SCFD2: variants seen among roughly 807,000 people sequenced by gnomAD.
SCFD2 encodes sec1 family domain containing 2.
Under a neutral mutation model 58.9 loss-of-function variants are expected in SCFD2, and 54 were observed. That is an observed-to-expected ratio of 0.92 (90% CI 0.74 to 1.15). SCFD2 has a LOEUF of 1.15. SCFD2 is among the 50% of genes most tolerant of loss of function. The probability of loss-of-function intolerance (pLI) is 0.00; values close to 1 mark genes in which losing one functional copy is unlikely to be tolerated. For synonymous variants in SCFD2, 321 were observed against 335.9 expected, an observed-to-expected ratio of 0.96 and a Z score of 0.49; for missense variants, 805 against 836.6, an observed-to-expected ratio of 0.96 and a Z score of 0.47.
chr4:53,055,483 C>T (rs772714512), intron 5 of SCFD2, among the ~76,000 whole-genome samples: 1 of 152,000 alleles, frequency 6.6e-6, no homozygotes, highest in Non-Finnish European at 1.5e-5. Flanking sequence ...TGGAAAGTTG[C>T]CTAAAAACAG....
At chr4:52,995,796 C>T (rs577462746) in intron 5 of SCFD2, among the ~76,000 whole-genome samples, 314 of 152,292 alleles carry the variant, frequency 2.1e-3, no homozygotes, top group Non-Finnish European at 3.4e-3. Flanking sequence ...AGTGGGTCAT[C>T]GTGGTATTCC....
At chr4:52,912,187 A>G (rs576711496) in intron 6 of SCFD2, among the ~76,000 whole-genome samples, 1 of 152,318 alleles carries the variant, frequency 6.6e-6, no homozygotes, top group Non-Finnish European at 1.5e-5. Flanking sequence ...ACAGATATTA[A>G]CAGAAAAGAT....
intron 2 of SCFD2, 21 bp downstream of exon 2, chr4:53,352,577 G>A (rs1387547312): frequency 6.3e-7 from 1 of 1,576,858 alleles, no homozygotes; most frequent in Admixed American, 1.7e-5. Flanking sequence ...AAGATAAGAT[G>A]ACAAAAACTA....
chr4:53,186,935 G>A (rs577209146), intron 4 of SCFD2, among the ~76,000 whole-genome samples: 14 of 152,076 alleles, frequency 9.2e-5, no homozygotes, highest in Admixed American at 3.3e-4. Context: ...TCAACACAAC[G>A]CATGACATAA....
intron 5 of SCFD2, among the ~76,000 whole-genome samples, chr4:53,088,969 T>A (rs532043437): frequency 3.9e-5 from 6 of 152,290 alleles, no homozygotes; most frequent in African/African-American, 1.4e-4. Flanking sequence ...TGAATGGAAT[T>A]AGTGCTGTTA....
intron 4 of SCFD2, among the ~76,000 whole-genome samples, chr4:53,150,795 T>C (rs1184959285): frequency 1.3e-5 from 2 of 152,196 alleles, no homozygotes; most frequent in African/African-American, 4.8e-5. Flanking sequence ...ATTGGGACAA[T>C]TGCTTAAACT....
chr4:53,100,211 C>A (rs1724793509), intron 5 of SCFD2, among the ~76,000 whole-genome samples: 1 of 152,104 alleles, frequency 6.6e-6, no homozygotes. Flanking sequence ...CCTGGTTGAA[C>A]TTGGGCAAGT....
intron 8 of SCFD2, among the ~76,000 whole-genome samples, chr4:52,876,033 C>A (rs2109437342): frequency 6.6e-6 from 1 of 151,854 alleles, no homozygotes; most frequent in South Asian, 2.1e-4. Flanking sequence ...CCGAGAGGGT[C>A]TCTACGTCTT....
intron 5 of SCFD2, among the ~76,000 whole-genome samples, chr4:53,091,856 T>G (rs563869449): frequency 6.6e-6 from 1 of 152,264 alleles, no homozygotes; most frequent in African/African-American, 2.4e-5. Flanking sequence ...ACTTCCCACT[T>G]CCAATAATTT....
At chr4:53,357,989 T>A (rs1734448017) in intron 1 of SCFD2, among the ~76,000 whole-genome samples, 1 of 152,188 alleles carries the variant, frequency 6.6e-6, no homozygotes, top group Non-Finnish European at 1.5e-5. Flanking sequence ...TTCAGTTTCA[T>A]CCGTAAAATT....
rs776923650 is a variant in SCFD2, at chr4:52,885,776, G to A, written c.1933C>T (p.Leu645Phe). ...TVSEVKMVKD[L>F]VASLKPGTQV... is the part of the protein sequence containing the mutation. The stretch of plus-strand genomic sequence containing the variant: ...GTTCCTGGCTTCAACGATGCCACAA[G>A]ATCTTTGACCATTTTCACTTCAGAG... Residue 645 changes from leucine (L) to phenylalanine (F), a missense_variant, in exon 8 of 9, where the codon CTT becomes TTT. Around this residue, in one of 3 missense-constraint regions of SCFD2, gnomAD observed 633 missense variants for 646.8 expected, o/e 0.98. Transcript: ENST00000401642. 1.2e-6 allele frequency: 2 copies of A among 1,614,072 alleles called. No homozygotes were observed. Among genetic ancestry groups the A allele is most frequent in the South Asian group, 1.1e-5 (1 of 91,070 alleles).
intron 4 of SCFD2, among the ~76,000 whole-genome samples, chr4:53,208,074 A>C (rs1397426348): frequency 6.6e-6 from 1 of 151,416 alleles, no homozygotes; most frequent in South Asian, 2.1e-4. Flanking sequence ...CTCCCACCTC[A>C]GCCTCCTGAG....
chr4:53,030,216 A>G (rs1236530816), intron 5 of SCFD2, among the ~76,000 whole-genome samples: 1 of 152,226 alleles, frequency 6.6e-6, no homozygotes, highest in Non-Finnish European at 1.5e-5. Context: ...TAAGCACATG[A>G]AAAGATACTC....
At chr4:52,986,491 ATTTTTTTT>A (rs369944739) in intron 5 of SCFD2, among the ~76,000 whole-genome samples, 2 of 84,924 alleles carry the variant, frequency 2.4e-5, no homozygotes, top group Admixed American at 3.3e-4. Context: ...TCTTCATGAA[ATTTTTTTT>A]TTTTTTTTTT....
intron 4 of SCFD2, among the ~76,000 whole-genome samples, chr4:53,219,915 G>T (rs1240456585): frequency 6.6e-6 from 1 of 152,018 alleles, no homozygotes; most frequent in African/African-American, 2.4e-5. Flanking sequence ...CTAAGAATCT[G>T]CCCAGTCATC....
chr4:52,952,633 A>G (rs1720625968), intron 5 of SCFD2, among the ~76,000 whole-genome samples: 1 of 152,214 alleles, frequency 6.6e-6, no homozygotes, highest in Non-Finnish European at 1.5e-5. Context: ...GTAATCACAT[A>G]TGGGCAACAT....
chr4:53,038,775 A>G (rs1357551404), intron 5 of SCFD2, among the ~76,000 whole-genome samples: 18 of 151,858 alleles, frequency 1.2e-4, no homozygotes, highest in Non-Finnish European at 4.4e-5. Flanking sequence ...TGCAGCCTCA[A>G]TCTCCTGGGC....
intron 5 of SCFD2, among the ~76,000 whole-genome samples, chr4:53,129,735 TC>T (rs1367519332): frequency 6.6e-6 from 1 of 152,222 alleles, no homozygotes; most frequent in Non-Finnish European, 1.5e-5. Flanking sequence ...GGACATAAAT[TC>T]AGCACCAACA....
At chr4:53,355,725 C>T (rs1448589847) in intron 1 of SCFD2, among the ~76,000 whole-genome samples, 3 of 152,208 alleles carry the variant, frequency 2.0e-5, no homozygotes, top group Admixed American at 6.5e-5. Context: ...GATCTCCTAT[C>T]GGTGTTCCCT....
Sources: allele counts gnomAD v4.1 joint callset (sites outside exome capture counted in the v4.1 genomes callset), GRCh38; gene constraint gnomAD v4.1.1; regional missense constraint gnomAD v4.1.1; transcripts MANE v1.5; gene names NCBI Gene and HGNC (gene_info 2026-07-23, HGNC 2026-07-21).